The following SMYD3 variants were observed in gnomAD, a reference collection of about 807,000 sequenced individuals.
SMYD3 encodes histone-lysine N-methyltransferase SMYD3.
In SMYD3, 36 loss-of-function variants were observed where a neutral mutation model predicts 57.7. The ratio of observed to expected loss-of-function variants is 0.62; its 90% CI spans 0.48 to 0.82. The LOEUF is 0.82. Among genes scored for constraint, SMYD3 ranks in the 40% least tolerant of loss-of-function variants. The pLI is 0.00. For missense variants in SMYD3, 515 were observed against 538.8 expected (o/e 0.96, Z 0.44); for synonymous variants, 211 against 195.0 (o/e 1.08, Z -0.68).
intron 1 of SMYD3, among the ~76,000 whole-genome samples, chr1:246,428,864 T>C (rs1311636858): frequency 6.6e-6 from 1 of 151,854 alleles, no homozygotes; most frequent in Non-Finnish European, 1.5e-5. Flanking sequence ...AGGCTGTGAC[T>C]CCTTTCTCTC....
At chr1:246,378,714 AATATAATATATT>A (rs1337636226) in intron 1 of SMYD3, among the ~76,000 whole-genome samples, 20 of 42,780 alleles carry the variant, frequency 4.7e-4, no homozygotes, top group African/African-American at 1.8e-3. Flanking sequence ...TTATATATAT[AATATAATATATT>A]ATATATTATA....
At chr1:246,373,006 C>A (rs1284378701) in intron 1 of SMYD3, among the ~76,000 whole-genome samples, 1 of 151,896 alleles carries the variant, frequency 6.6e-6, no homozygotes, top group African/African-American at 2.4e-5. Flanking sequence ...GTATCCACCC[C>A]TAAAGGTATT....
At chr1:245,848,466 G>T (rs942332620) in intron 10 of SMYD3, among the ~76,000 whole-genome samples, 1 of 152,024 alleles carries the variant, frequency 6.6e-6, no homozygotes, top group Non-Finnish European at 1.5e-5. Context: ...AACCCAAGTT[G>T]GAGCATGTGG....
At position 246,247,482 on chromosome 1, in the gene SMYD3, TA is replaced by T. The variant is rs1233640656; in HGVS notation, c.531+79718del. On this transcript the variant is annotated intron_variant, in intron 5 of 11. Transcript: ENST00000490107. ...CTCTCTCTCTATATATATATATATA[TA>T]TATTTTTTAACATGGGACTCATATA... Among the ~76,000 whole-genome samples, 39 of 138,276 alleles carry T rather than the reference TA, an allele frequency of 2.8e-4. 1 individual carries two copies. Among genetic ancestry groups the T allele is most frequent in the African/African-American group, 8.7e-4 (32 of 36,630 alleles). 90.7% of individuals were successfully genotyped at this position (138,276 alleles called of 152,430 possible). A position where few individuals can be genotyped will look rare whatever the true frequency, so the allele number is the denominator to read the frequency against.
At chr1:246,343,703 C>T in intron 2 of SMYD3, among the ~76,000 whole-genome samples, 1 of 152,158 alleles carries the variant, frequency 6.6e-6, no homozygotes, top group East Asian at 1.9e-4. Flanking sequence ...GGTTAATGTA[C>T]AGAATCTTGT....
At chr1:246,506,839 C>CT (rs2068547871) in intron 1 of SMYD3, among the ~76,000 whole-genome samples, 2 of 2,180 alleles carry the variant, frequency 9.2e-4, no homozygotes, top group South Asian at 0.01. Context: ...TGGGCCCCCT[C>CT]CCAGCCCCGC....
At chr1:245,784,411 C>T (rs761404074) in intron 10 of SMYD3, among the ~76,000 whole-genome samples, 7 of 152,226 alleles carry the variant, frequency 4.6e-5, no homozygotes, top group Non-Finnish European at 7.4e-5. Flanking sequence ...CAGAAATTCA[C>T]GAAGGATACA....
intron 10 of SMYD3, among the ~76,000 whole-genome samples, chr1:245,812,701 C>CAAA (rs10636374): frequency 0.14 from 18,291 of 130,756 alleles, 1,711 homozygotes; most frequent in Non-Finnish European, 0.19. Context: ...ACAACAGTTC[C>CAAA]AAAAAAAAAA....
At chr1:246,038,565 C>T (rs755719787) in intron 5 of SMYD3, among the ~76,000 whole-genome samples, 4 of 152,130 alleles carry the variant, frequency 2.6e-5, no homozygotes, top group South Asian at 2.1e-4. Context: ...AAACACTTCT[C>T]GACACAAATA....
At chr1:246,299,948 A>G (rs2064863802) in intron 5 of SMYD3, among the ~76,000 whole-genome samples, 2 of 151,932 alleles carry the variant, frequency 1.3e-5, no homozygotes, top group South Asian at 4.2e-4. Context: ...AATCTGTACG[A>G]CAAACCCTCA....
chr1:246,050,736 G>A (rs933584462), intron 5 of SMYD3, among the ~76,000 whole-genome samples: 1 of 152,116 alleles, frequency 6.6e-6, no homozygotes, highest in African/African-American at 2.4e-5. Flanking sequence ...TGATTATGCA[G>A]GTGCACACAT....
intron 10 of SMYD3, among the ~76,000 whole-genome samples, chr1:245,818,021 C>A (rs2048948511): frequency 6.6e-6 from 1 of 152,108 alleles, no homozygotes; most frequent in Non-Finnish European, 1.5e-5. Context: ...GGCAGGCCAA[C>A]ATTCAGATTC....
chr1:246,250,256 C>A (rs904541643), intron 5 of SMYD3, among the ~76,000 whole-genome samples: 2 of 152,172 alleles, frequency 1.3e-5, no homozygotes, highest in Non-Finnish European at 2.9e-5. Context: ...GTCCAACATT[C>A]AAATCTTCAA....
At chr1:246,107,972 C>A (rs1394284077) in intron 5 of SMYD3, among the ~76,000 whole-genome samples, 2 of 152,196 alleles carry the variant, frequency 1.3e-5, no homozygotes, top group African/African-American at 2.4e-5. Flanking sequence ...ACAATAGGAA[C>A]TTTACTGAGT....
intron 5 of SMYD3, among the ~76,000 whole-genome samples, chr1:246,211,323 T>A (rs1044815535): frequency 6.6e-6 from 1 of 152,144 alleles, no homozygotes; most frequent in Non-Finnish European, 1.5e-5. Flanking sequence ...TAGCATGAAT[T>A]ATCATTCTAA....
intron 5 of SMYD3, among the ~76,000 whole-genome samples, chr1:246,198,224 A>G (rs1399622071): frequency 1.3e-5 from 2 of 152,180 alleles, no homozygotes. Flanking sequence ...GCTGAGTATC[A>G]CAGGGACTAA....
intron 1 of SMYD3, among the ~76,000 whole-genome samples, chr1:246,414,379 T>A (rs2067023644): frequency 6.6e-6 from 1 of 152,176 alleles, no homozygotes; most frequent in Non-Finnish European, 1.5e-5. Context: ...AGCAAAGCCC[T>A]GAAGCAAGCA....
intron 10 of SMYD3, among the ~76,000 whole-genome samples, chr1:245,803,404 T>C (rs1572379535): frequency 1.4e-5 from 2 of 144,874 alleles, no homozygotes; most frequent in African/African-American, 5.7e-5. Flanking sequence ...GGTTGAACCA[T>C]ATGAACTGGC....
chr1:245,920,674 A>T (rs893611590), intron 7 of SMYD3, among the ~76,000 whole-genome samples: 2 of 152,250 alleles, frequency 1.3e-5, no homozygotes, highest in Non-Finnish European at 2.9e-5. Flanking sequence ...TACACATAGA[A>T]AAGTGGTCAT....
Sources: gnomAD v4.1 joint callset for allele counts (sites outside exome capture counted in the v4.1 genomes callset) on GRCh38, gnomAD v4.1.1 for gene constraint, MANE v1.5 for transcripts, NCBI Gene and HGNC (gene_info 2026-07-23, HGNC 2026-07-21) for gene names.